ZFHX3: variants seen among roughly 807,000 people sequenced by gnomAD.
ZFHX3 encodes the protein zinc finger homeobox protein 3.
A neutral mutation model predicts 279.1 loss-of-function variants in ZFHX3; 42 were observed. The observed-to-expected ratio is 0.15, with a 90% confidence interval of 0.12 to 0.19. The LOEUF (loss-of-function observed/expected upper bound fraction) is 0.19. Ranked by LOEUF, ZFHX3 falls within the 10% of genes least tolerant of loss-of-function variation. The pLI, the probability that ZFHX3 is intolerant of heterozygous loss-of-function variation, is 1.00. For synonymous variants in ZFHX3, 2,293 were observed against 1,957.8 expected (o/e 1.17, Z -4.52); for missense variants, 4,981 against 4,754.0 (o/e 1.05, Z -1.40).
At chr16:72,996,319 C>T (rs1485409917) in intron 1 of ZFHX3, among the ~76,000 whole-genome samples, 1 of 152,132 alleles carries the variant, frequency 6.6e-6, no homozygotes, top group African/African-American at 2.4e-5. Flanking sequence ...CGTTCTTTTG[C>T]TTCTCCTAAG....
In ZFHX3 at chr16:72,796,437, G is replaced by A; in HGVS notation, c.6245C>T (p.Ser2082Leu). The A allele has an allele frequency of 6.2e-7, 1 of 1,610,514 alleles. No individual in the cohort carries two copies. The highest frequency in any genetic ancestry group is 8.5e-7 in the Non-Finnish European group (1 of 1,179,968). ...TSPTIAPAQP[S>L]VPLTQLSMPM... The stretch of plus-strand genomic sequence containing the variant: ...CATGGAGAGCTGGGTGAGCGGCACT[G>A]ATGGCTGGGCCGGTGCAATTGTAGG... The change falls in exon 9 of 10, where the codon TCA becomes TTA. Residue 2082 changes from serine (S) to leucine (L), a missense_variant. By Grantham distance (145) the Ser-to-Leu change is moderately radical (BLOSUM62 -2). Transcript: ENST00000268489.
chr16:73,225,739 A>G (rs1392516692), intron 5 of ZFHX3, among the ~76,000 whole-genome samples: 2 of 152,224 alleles, frequency 1.3e-5, no homozygotes, highest in Non-Finnish European at 2.9e-5. Flanking sequence ...TGTGTTCTGC[A>G]TAGTATCATC....
At chr16:73,090,265 C>T (rs940963750) in intron 8 of ZFHX3, among the ~76,000 whole-genome samples, 3 of 152,052 alleles carry the variant, frequency 2.0e-5, no homozygotes, top group Non-Finnish European at 2.9e-5. Context: ...TGGTGGCATG[C>T]GCCCATGGTC....
chr16:73,066,378 C>T (rs1052127950), intron 8 of ZFHX3, among the ~76,000 whole-genome samples: 7 of 152,206 alleles, frequency 4.6e-5, no homozygotes, highest in Non-Finnish European at 8.8e-5. Context: ...GTTCACGGAG[C>T]CAGCGTGCGC....
chr16:73,254,316 G>A (rs570372910), intron 5 of ZFHX3, among the ~76,000 whole-genome samples: 11 of 152,052 alleles, frequency 7.2e-5, no homozygotes, highest in East Asian at 3.9e-4. Context: ...CCACTCCAGC[G>A]CCCTTTCACT....
chr16:73,044,297 AG>A (rs1291736590), intron 1 of ZFHX3, among the ~76,000 whole-genome samples: 1 of 152,174 alleles, frequency 6.6e-6, no homozygotes, highest in African/African-American at 2.4e-5. Flanking sequence ...GTGTTTTTAC[AG>A]TAACGCCCCC....
intron 1 of ZFHX3, among the ~76,000 whole-genome samples, chr16:73,034,675 A>C (rs117568340): frequency 2.6e-5 from 4 of 152,310 alleles, no homozygotes; most frequent in South Asian, 4.1e-4. Flanking sequence ...TGTAACAAAC[A>C]CACTAGCACT....
At chr16:73,189,929 T>TA in intron 5 of ZFHX3, among the ~76,000 whole-genome samples, 1 of 151,800 alleles carries the variant, frequency 6.6e-6, no homozygotes, top group South Asian at 2.1e-4. Context: ...CCCTCATCTC[T>TA]AAAAAAATTA....
At chr16:73,530,600 T>A (rs1406806058) in intron 2 of ZFHX3, among the ~76,000 whole-genome samples, 2 of 152,010 alleles carry the variant, frequency 1.3e-5, no homozygotes, top group Non-Finnish European at 2.9e-5. Flanking sequence ...CTTTTGGGAC[T>A]CCTTTTAAGG....
intron 5 of ZFHX3, among the ~76,000 whole-genome samples, chr16:73,183,069 G>A (rs760004338): frequency 6.6e-6 from 1 of 152,180 alleles, no homozygotes; most frequent in African/African-American, 2.4e-5. Context: ...GCGGGGTGTG[G>A]TGGTGGGCGC....
intron 4 of ZFHX3, among the ~76,000 whole-genome samples, chr16:72,840,916 G>C (rs1567542534): frequency 1.3e-5 from 2 of 152,192 alleles, no homozygotes; most frequent in Admixed American, 1.3e-4. Flanking sequence ...ACAGAAATCA[G>C]GCCAGCTTGA....
At chr16:72,968,947 C>T (rs1223441511) in intron 1 of ZFHX3, among the ~76,000 whole-genome samples, 1 of 151,998 alleles carries the variant, frequency 6.6e-6, no homozygotes, top group African/African-American at 2.4e-5. Flanking sequence ...TACACATACA[C>T]ATATATACAC....
intron 5 of ZFHX3, among the ~76,000 whole-genome samples, chr16:73,208,393 GA>G (rs965195289): frequency 6.6e-6 from 1 of 152,032 alleles, no homozygotes; most frequent in African/African-American, 2.4e-5. Context: ...TGTAGATGGA[GA>G]AAAATATACC....
chr16:72,787,256 C>T lies in ZFHX3; in HGVS notation c.11020G>A (p.Gly3674Arg), dbSNP rs1228933533. The T allele has an allele frequency of 1.9e-6, 3 of 1,614,066 alleles. No homozygotes were observed. Among genetic ancestry groups the T allele is most frequent in the East Asian group, 4.5e-5 (2 of 44,856 alleles). ...GGACCCTCCACCGGGCTCGCCGGTC[C>T]GTCGGACTTTTGGCTGAGATCCGTG... ...SDTDLSQKSD[G>R]PASPVEGPKD... Residue 3674 changes from glycine (G) to arginine (R), a missense_variant, in exon 10 of 10, where the codon GGA becomes AGA. This residue lies in a region of ZFHX3 where 1,034 missense variants were observed against 786.0 expected (regional missense o/e 1.32). Transcript: ENST00000268489.
At chr16:73,704,393 G>A (rs926796515) in intron 1 of ZFHX3, among the ~76,000 whole-genome samples, 7 of 152,028 alleles carry the variant, frequency 4.6e-5, no homozygotes, top group African/African-American at 7.2e-5. Flanking sequence ...ACAGAAGAAA[G>A]AAAATGCAAG....
chr16:73,557,510 T>C (rs2020305496), intron 2 of ZFHX3, among the ~76,000 whole-genome samples: 1 of 152,144 alleles, frequency 6.6e-6, no homozygotes, highest in East Asian at 1.9e-4. Flanking sequence ...TTTATGGTTA[T>C]TTCTTGAAGA....
At chr16:73,651,522 T>A (rs1028473386) in intron 2 of ZFHX3, among the ~76,000 whole-genome samples, 1 of 151,390 alleles carries the variant, frequency 6.6e-6, no homozygotes. Context: ...ATATATACAA[T>A]CTTAAGAACA....
intron 1 of ZFHX3, among the ~76,000 whole-genome samples, chr16:73,837,724 CT>C (rs1318199669): frequency 6.6e-6 from 1 of 152,164 alleles, no homozygotes; most frequent in Non-Finnish European, 1.5e-5. Flanking sequence ...CCACAACATC[CT>C]TTCCGCGTTC....
intron 4 of ZFHX3, among the ~76,000 whole-genome samples, chr16:73,286,625 G>A (rs539374475): frequency 1.4e-3 from 215 of 151,616 alleles, no homozygotes; most frequent in African/African-American, 5.0e-3. Flanking sequence ...GGGTGTGTGG[G>A]TCTGTGTGTA....
Sources: gnomAD v4.1 joint callset for allele counts (sites outside exome capture counted in the v4.1 genomes callset) on GRCh38, gnomAD v4.1.1 for gene constraint, gnomAD v4.1.1 regional missense constraint, MANE v1.5 for transcripts, NCBI Gene and HGNC (gene_info 2026-07-23, HGNC 2026-07-21) for gene names.